The following KLF8 variants were observed in gnomAD, a reference collection of about 807,000 sequenced individuals.
KLF8 encodes Krueppel-like factor 8.
KLF8 carries 10 observed loss-of-function variants against 18.2 expected under a neutral mutation model. That is an observed-to-expected ratio of 0.55 (90% CI 0.34 to 0.93). The LOEUF (loss-of-function observed/expected upper bound fraction) is 0.93, where lower values mean the gene tolerates loss of function less well. KLF8 is among the 40% of genes least tolerant of loss of function. The pLI, the probability that KLF8 is intolerant of heterozygous loss-of-function variation, is 0.02. For synonymous variants in KLF8, 109 were observed against 97.3 expected (o/e 1.12, Z -0.71); for missense variants, 264 against 277.9 (o/e 0.95, Z 0.36).
chrX:56,202,834 G>T, the KLF8 span, among the ~76,000 whole-genome samples: 1 of 110,830 alleles, frequency 9.0e-6, no homozygotes, highest in Non-Finnish European at 1.9e-5. Flanking sequence ...CTGTTGATGG[G>T]CTGTTAGGTC....
At chrX:56,176,782 C>T in the KLF8 span, among the ~76,000 whole-genome samples, 7 of 111,828 alleles carry the variant, frequency 6.3e-5, no homozygotes, top group Admixed American at 5.7e-4. Context: ...TCCCATATTT[C>T]TTTGAGGCTT....
chrX:56,263,440 G>A (rs1307370518), intron 2 of KLF8, among the ~76,000 whole-genome samples: 1 of 111,543 alleles, frequency 9.0e-6, no homozygotes, highest in Non-Finnish European at 1.9e-5. Context: ...GACAAAGCAC[G>A]GATGGGTTTT....
At chrX:56,064,417 AG>A in the KLF8 span, among the ~76,000 whole-genome samples, 1 of 109,550 alleles carries the variant, frequency 9.1e-6, no homozygotes, top group African/African-American at 3.3e-5. Flanking sequence ...TTACATGTGA[AG>A]TGAGTTTCTT....
the KLF8 span, among the ~76,000 whole-genome samples, chrX:56,102,698 T>C: frequency 9.0e-6 from 1 of 111,653 alleles, no homozygotes; most frequent in African/African-American, 3.2e-5. Flanking sequence ...TATTTCTCGA[T>C]ATTTCATTTA....
chrX:56,228,600 G>A (rs1308645005), upstream of KLF8, among the ~76,000 whole-genome samples: 1 of 112,024 alleles, frequency 8.9e-6, no homozygotes. Context: ...TTTTATCCCC[G>A]CAATCTCCTT....
the KLF8 span, among the ~76,000 whole-genome samples, chrX:56,182,010 C>T: frequency 9.0e-6 from 1 of 111,602 alleles, no homozygotes; most frequent in East Asian, 2.8e-4. Context: ...GTTGGCCTGC[C>T]TTGCTAGGTT....
At chrX:56,206,815 C>T in the KLF8 span, among the ~76,000 whole-genome samples, 1 of 112,822 alleles carries the variant, frequency 8.9e-6, no homozygotes, top group African/African-American at 3.2e-5. Context: ...GGGCCCCAAC[C>T]CCACATTTCC....
the KLF8 span, among the ~76,000 whole-genome samples, chrX:56,006,969 A>T: frequency 8.9e-6 from 1 of 111,906 alleles, no homozygotes; most frequent in East Asian, 2.8e-4. Flanking sequence ...CAGGCCCCTC[A>T]CTGTGCCTGG....
chrX:56,014,515 T>A, the KLF8 span, among the ~76,000 whole-genome samples: 1 of 112,356 alleles, frequency 8.9e-6, no homozygotes, highest in African/African-American at 3.2e-5. Flanking sequence ...AGGAATGTTT[T>A]TACACTGTTG....
intron 1 of KLF8, among the ~76,000 whole-genome samples, chrX:56,242,528 T>C (rs1444070593): frequency 8.9e-6 from 1 of 112,145 alleles, no homozygotes; most frequent in African/African-American, 3.2e-5. Context: ...TACACTGGTG[T>C]ATTCCCATTT....
chrX:56,111,880 G>C, the KLF8 span, among the ~76,000 whole-genome samples: 1 of 112,110 alleles, frequency 8.9e-6, no homozygotes, highest in Non-Finnish European at 1.9e-5. Flanking sequence ...TTACACTGTT[G>C]GTGGGAGTGT....
chrX:56,236,391 G>C (rs2066474517), intron 1 of KLF8, among the ~76,000 whole-genome samples: 1 of 112,039 alleles, frequency 8.9e-6, no homozygotes, highest in Admixed American at 9.5e-5. Context: ...TAAACACTTA[G>C]AAGGCGGCAT....
the KLF8 span, among the ~76,000 whole-genome samples, chrX:55,988,726 C>T: frequency 1.2e-4 from 13 of 111,315 alleles, no homozygotes; most frequent in East Asian, 2.8e-3. Context: ...TAGTTTTTTC[C>T]AATTCTGTGA....
chrX:56,111,620 A>C, the KLF8 span, among the ~76,000 whole-genome samples: 1 of 112,283 alleles, frequency 8.9e-6, no homozygotes, highest in African/African-American at 3.2e-5. Flanking sequence ...AAAGAACATA[A>C]AACAAATTTA....
the KLF8 span, among the ~76,000 whole-genome samples, chrX:55,990,205 C>A: frequency 8.9e-6 from 1 of 111,935 alleles, no homozygotes; most frequent in African/African-American, 3.2e-5. Flanking sequence ...CTATTTCCTT[C>A]AGTTCTGCTC....
the KLF8 span, among the ~76,000 whole-genome samples, chrX:56,183,902 C>T: frequency 9.0e-6 from 1 of 111,160 alleles, no homozygotes; most frequent in African/African-American, 3.3e-5. Context: ...CCAAGATGGC[C>T]GAATAGGAAC....
the KLF8 span, among the ~76,000 whole-genome samples, chrX:56,161,579 A>G: frequency 1.8e-5 from 2 of 111,804 alleles, no homozygotes; most frequent in African/African-American, 6.5e-5. Flanking sequence ...ATGCTTGTGC[A>G]TTCGTCACGT....
At chrX:55,990,144 C>T in the KLF8 span, among the ~76,000 whole-genome samples, 1 of 111,444 alleles carries the variant, frequency 9.0e-6, no homozygotes, top group Admixed American at 9.5e-5. Flanking sequence ...TTGATCTTTT[C>T]AAAAAACCAG....
chrX:56,112,122 T>C, the KLF8 span, among the ~76,000 whole-genome samples: 2 of 111,895 alleles, frequency 1.8e-5, no homozygotes, highest in Non-Finnish European at 3.8e-5. Flanking sequence ...GAAAATGTGG[T>C]GCATATACAC....
Sources: allele counts gnomAD v4.1 joint callset (sites outside exome capture counted in the v4.1 genomes callset), GRCh38; gene constraint gnomAD v4.1.1; transcripts MANE v1.5; gene names NCBI Gene and HGNC (gene_info 2026-07-23, HGNC 2026-07-21).